Variants in CLVS1 observed in about 807,000 individuals in gnomAD.
The protein encoded by CLVS1 is clavesin-1.
CLVS1 carries 10 observed loss-of-function variants against 33.1 expected under a neutral mutation model. The ratio of observed to expected loss-of-function variants is 0.30; its 90% CI spans 0.19 to 0.51. The LOEUF (loss-of-function observed/expected upper bound fraction) is 0.51. CLVS1 is among the 20% of genes least tolerant of loss of function. CLVS1 has a pLI of 0.97. For missense variants in CLVS1, 343 were observed against 433.4 expected (o/e 0.79, Z 1.85); for synonymous variants, 163 against 166.1 (o/e 0.98, Z 0.14).
the CLVS1 span, among the ~76,000 whole-genome samples, chr8:61,050,052 T>TA: frequency 6.6e-6 from 1 of 152,240 alleles, no homozygotes; most frequent in Non-Finnish European, 1.5e-5. Context: ...GCACTGGACT[T>TA]ACAGCAGGTG....
chr8:61,480,081 G>A (rs1818126306), intron 5 of CLVS1, among the ~76,000 whole-genome samples: 1 of 152,234 alleles, frequency 6.6e-6, no homozygotes, highest in Non-Finnish European at 1.5e-5. Context: ...CAAGCTGTGT[G>A]CTGGGAGAAC....
the CLVS1 span, among the ~76,000 whole-genome samples, chr8:60,990,719 T>TG: frequency 6.6e-6 from 1 of 150,902 alleles, no homozygotes; most frequent in Non-Finnish European, 1.5e-5. Context: ...TTTTGTTTTT[T>TG]TTTTTTTGAG....
chr8:61,426,712 GT>G (rs1429132422), intron 3 of CLVS1, among the ~76,000 whole-genome samples: 1 of 152,184 alleles, frequency 6.6e-6, no homozygotes, highest in East Asian at 1.9e-4. Context: ...TGTGCTAGGT[GT>G]TTGAAGACAG....
At chr8:61,400,778 C>T (rs367769331) in intron 3 of CLVS1, among the ~76,000 whole-genome samples, 4 of 152,082 alleles carry the variant, frequency 2.6e-5, no homozygotes, top group East Asian at 1.9e-4. Context: ...TTTTCTGTGT[C>T]GATTGAGATA....
At chr8:61,019,306 C>T in the CLVS1 span, among the ~76,000 whole-genome samples, 1 of 152,334 alleles carries the variant, frequency 6.6e-6, no homozygotes, top group Admixed American at 6.5e-5. Flanking sequence ...CAGTCTAGAA[C>T]TTAACCTGAG....
intron 1 of CLVS1, among the ~76,000 whole-genome samples, chr8:61,111,211 A>G (rs1403593837): frequency 6.6e-6 from 1 of 152,238 alleles, no homozygotes; most frequent in African/African-American, 2.4e-5. Context: ...AGATATTGAT[A>G]TACGGCTTTC....
rs192827949 is a variant in CLVS1, at chr8:61,453,198, T to C, written c.631-943T>C. 3.7e-4 allele frequency among the ~76,000 whole-genome samples: 56 copies of C among 152,308 alleles called. No individual in the cohort carries two copies. The East Asian group carries it at 0.011, about 29-fold the overall frequency. On this transcript the variant is annotated intron_variant, in intron 3 of 5. Transcript: ENST00000325897. ...ACAGCGTTTAGAGATTCCTTCTTTT[T>C]TAATTCTATTAACTGAGATGAACCC...
At chr8:61,065,873 G>T (rs1191393982) in intron 1 of CLVS1, among the ~76,000 whole-genome samples, 1 of 152,106 alleles carries the variant, frequency 6.6e-6, no homozygotes, top group Non-Finnish European at 1.5e-5. Flanking sequence ...ACATTCATCA[G>T]TATAAAAATG....
chr8:61,362,086 C>G (rs1223133616), intron 2 of CLVS1, among the ~76,000 whole-genome samples: 1 of 152,114 alleles, frequency 6.6e-6, no homozygotes, highest in Non-Finnish European at 1.5e-5. Flanking sequence ...GAGTTCTTTG[C>G]TAAAACTGGG....
intron 2 of CLVS1, among the ~76,000 whole-genome samples, chr8:61,259,270 G>A (rs1181181187): frequency 6.6e-6 from 1 of 152,176 alleles, no homozygotes; most frequent in Non-Finnish European, 1.5e-5. Context: ...GACATGAAAG[G>A]TGATAGGGGT....
At chr8:61,480,201 C>T (rs1299375995) in intron 5 of CLVS1, among the ~76,000 whole-genome samples, 1 of 152,262 alleles carries the variant, frequency 6.6e-6, no homozygotes. Flanking sequence ...CAGAGGCAGG[C>T]AGGCCTCCTT....
the CLVS1 span, among the ~76,000 whole-genome samples, chr8:60,982,811 C>T: frequency 6.6e-6 from 1 of 152,136 alleles, no homozygotes; most frequent in African/African-American, 2.4e-5. Flanking sequence ...GTGGCTCATG[C>T]CTGTAATCCC....
chr8:61,056,388 C>T (rs752346023), upstream of CLVS1, among the ~76,000 whole-genome samples: 1 of 152,120 alleles, frequency 6.6e-6, no homozygotes, highest in Non-Finnish European at 1.5e-5. Flanking sequence ...TCTTGGTCTC[C>T]AATAATATCT....
chr8:61,498,377 G>GT (rs1486217913), intron 5 of CLVS1, among the ~76,000 whole-genome samples: 1 of 152,210 alleles, frequency 6.6e-6, no homozygotes, highest in Non-Finnish European at 1.5e-5. Flanking sequence ...CTTGTAATGT[G>GT]TAGGGTTTGG....
At chr8:61,405,146 T>A (rs1307185115) in intron 3 of CLVS1, among the ~76,000 whole-genome samples, 1 of 152,222 alleles carries the variant, frequency 6.6e-6, no homozygotes, top group African/African-American at 2.4e-5. Context: ...TATTAGGCAC[T>A]ATCCTAGTCT....
Position 61,174,285 on chromosome 8 carries a change from C to G in CLVS1, c.-152+42425C>G, listed in dbSNP as rs151296687. Among the ~76,000 whole-genome samples, 423 of 152,234 alleles carry G rather than the reference C, an allele frequency of 2.8e-3. 1 individual carries two copies. Among genetic ancestry groups the G allele is most frequent in the African/African-American group, 9.3e-3 (388 of 41,540 alleles). On this transcript the variant is annotated intron_variant, in intron 2 of 2. Transcript: ENST00000522621. ...CAAACCACACAGATGTTAGAATTAG[C>G]AGTCAAGGACACTAAAACTGTATTC...
intron 2 of CLVS1, among the ~76,000 whole-genome samples, chr8:61,375,893 T>C (rs1813620478): frequency 6.6e-6 from 1 of 152,228 alleles, no homozygotes; most frequent in African/African-American, 2.4e-5. Context: ...TGGGCATATA[T>C]GATGTGGAGG....
chr8:61,297,914 A>G (rs2931295), intron 1 of CLVS1, among the ~76,000 whole-genome samples: 83,916 of 152,042 alleles, frequency 0.55, 24,157 homozygotes, highest in East Asian at 0.97. Context: ...AGCACAGTAG[A>G]TGCTAAAGTT....
chr8:60,972,463 G>A, the CLVS1 span, among the ~76,000 whole-genome samples: 8 of 152,124 alleles, frequency 5.3e-5, no homozygotes, highest in Non-Finnish European at 8.8e-5. Flanking sequence ...ACCAGGTTAG[G>A]AGGATGAGAG....
Sources: gnomAD v4.1 joint callset for allele counts (sites outside exome capture counted in the v4.1 genomes callset) on GRCh38, gnomAD v4.1.1 for gene constraint, MANE v1.5 for transcripts, NCBI Gene and HGNC (gene_info 2026-07-23, HGNC 2026-07-21) for gene names.